The following CYGB variants were observed in gnomAD, a reference collection of about 807,000 sequenced individuals.
CYGB encodes histoglobin.
A neutral mutation model predicts 20.7 loss-of-function variants in CYGB; 13 were observed. That is an observed-to-expected ratio of 0.63 (90% confidence interval 0.41 to 1.00). The LOEUF is 1.00. Among genes scored for constraint, CYGB ranks in the 50% least tolerant of loss-of-function variants. The pLI, the probability that CYGB is intolerant of heterozygous loss-of-function variation, is 0.00. For missense variants in CYGB, 218 were observed against 257.2 expected (o/e 0.85, Z 1.04); for synonymous variants, 93 against 107.4 (o/e 0.87, Z 0.83).
chr17:76,544,558 G>T (rs1295737062), intron 1 of CYGB: 2 of 456,646 alleles, frequency 4.4e-6, no homozygotes, highest in South Asian at 3.1e-5. Flanking sequence ...ACTAGGGAAG[G>T]AGCCTGCAGA....
intron 3 of CYGB, chr17:76,529,077 C>T: frequency 1.3e-6 from 1 of 799,928 alleles, no homozygotes; most frequent in Non-Finnish European, 1.5e-6. Flanking sequence ...CGCAAAGGCG[C>T]ACACCCTGGA....
Position 76,531,675 on chromosome 17 carries a change from G to C in CYGB, c.160C>G (p.Pro54Ala), listed in dbSNP as rs1166302118. ...AILVRFFVNF[P>A]SAKQYFSQFK... Reference sequence around the variant, plus strand: ...TGGCTGAAGTACTGCTTGGCCGAGGGGAAGTTCACAAAGAACCTGGCAAGA... The same window carrying C: ...TGGCTGAAGTACTGCTTGGCCGAGGCGAAGTTCACAAAGAACCTGGCAAGA... Residue 54 changes from proline to alanine, a missense_variant, in exon 2 of 4, where the codon CCC (proline) becomes GCC (alanine). Coordinates refer to ENST00000293230, the MANE Select transcript of CYGB (RefSeq NM_134268.5). This position sits in a 1 kb window ranked among gnomAD's most constrained non-coding sequence, Gnocchi z 7.4. 1.3e-6 allele frequency: 2 copies of C among 1,595,890 alleles called. No individual in the cohort carries two copies.
At chr17:76,542,519 T>C (rs756551408), upstream of CYGB, 4 of 1,614,000 alleles carry the variant, frequency 2.5e-6, no homozygotes, top group East Asian at 8.9e-5. Context: ...GGTCGTGCCC[T>C]TCAATCCTGA....
chr17:76,534,046 CAAT>C (rs1202015624), intron 1 of CYGB, among the ~76,000 whole-genome samples: 3 of 152,062 alleles, frequency 2.0e-5, no homozygotes, highest in African/African-American at 4.8e-5. Flanking sequence ...AAAATAATAA[CAAT>C]GATATATATA....
chr17:76,540,351 G>A (rs1433814727), upstream of CYGB: 2 of 1,282,874 alleles, frequency 1.6e-6, no homozygotes, highest in Non-Finnish European at 2.2e-6. The surrounding 1 kb of genome is among the most constrained non-coding windows in gnomAD (Gnocchi z 5.0). Flanking sequence ...AGGAACCCTT[G>A]AGAGAGCACA....
Position 76,544,237 on chromosome 17 carries a change from C to T in CYGB, c.-53+6625G>A, listed in dbSNP as rs764355852. Reference sequence around the variant, plus strand: ...CACGCGTCTCTCCTCCCCAGCCAGCCCCCCTCCCAGCCCAGCGGCGATGTC... The same window carrying T: ...CACGCGTCTCTCCTCCCCAGCCAGCTCCCCTCCCAGCCCAGCGGCGATGTC... On this transcript the variant is annotated intron_variant, in intron 1 of 3. Coordinates refer to the CYGB transcript ENST00000589145. 7 of 454,430 alleles carry T rather than the reference C, an allele frequency of 1.5e-5. No individual in the cohort carries two copies. The East Asian group carries it at 4.9e-4, about 32-fold the overall frequency. 28.1% of individuals were successfully genotyped at this position (454,430 alleles called of 1,614,324 possible). A position where few individuals can be genotyped will look rare whatever the true frequency, so the allele number is the denominator to read the frequency against.
intron 1 of CYGB, chr17:76,543,972 G>C (rs1055994807): frequency 4.3e-6 from 2 of 464,272 alleles, no homozygotes; most frequent in Admixed American, 4.7e-5. Flanking sequence ...GGGCAGTAGC[G>C]TGTGGGAAGG....
chr17:76,543,259 C>T (rs1240361888), intron 1 of CYGB: 5 of 362,184 alleles, frequency 1.4e-5, no homozygotes, highest in Non-Finnish European at 2.2e-5. Context: ...GCTTCCTTCC[C>T]TCTGAGTTCC....
chr17:76,538,356 C>T (rs2074947449), upstream of CYGB: 11 of 343,296 alleles, frequency 3.2e-5, no homozygotes, highest in South Asian at 2.1e-4. Flanking sequence ...GCCCGCCCAC[C>T]GCCCCGGCTG....
In CYGB at chr17:76,537,534, T is replaced by C; in HGVS notation, c.9A>G (p.Lys3=). The change falls in exon 1 of 4, where the codon AAA becomes AAG. Residue 3 remains lysine, a synonymous_variant. Coordinates refer to ENST00000293230, the MANE Select transcript of CYGB (RefSeq NM_134268.5). ME[K]VPGEMEIERR... ...GCTCGATCTCCATCTCGCCTGGCACTTTCTCCATGAGCAGCTCCAAGCCCA... is the reference window on the plus strand; with the variant it reads ...GCTCGATCTCCATCTCGCCTGGCACCTTCTCCATGAGCAGCTCCAAGCCCA... 3 of 1,558,586 alleles carry C rather than the reference T, an allele frequency of 1.9e-6. No individual in the cohort carries two copies. The highest frequency in any genetic ancestry group is 1.7e-4 in the Middle Eastern group (1 of 5,904).
chr17:76,534,569 G>T (rs1237593768), intron 1 of CYGB, among the ~76,000 whole-genome samples: 1 of 152,224 alleles, frequency 6.6e-6, no homozygotes, highest in Admixed American at 6.5e-5. Context: ...AGCACTTACT[G>T]TACGATCTCA....
Position 76,527,954 on chromosome 17 carries a change from C to T in CYGB, c.*624G>A. On this transcript the variant is annotated 3_prime_UTR_variant, in exon 4 of 4. Transcript: ENST00000293230. ...GGCTTTGCCGCCAAGCCGGGTTGCC[C>T]CAGCCCTGCCCCTCCAGGCCCAGGT... The T allele has an allele frequency of 2.6e-6, 1 of 378,224 alleles. No homozygotes were observed. The highest frequency in any genetic ancestry group is 1.9e-5 in the South Asian group (1 of 52,364). 23.4% of individuals were successfully genotyped at this position (378,224 alleles called of 1,614,324 possible).
rs1038819195 is a variant in CYGB, at chr17:76,533,315, G to A, written c.144-1624C>T. Among the ~76,000 whole-genome samples the A allele has an allele frequency of 3.3e-5, 5 of 152,214 alleles. No individual in the cohort carries two copies. The highest frequency in any genetic ancestry group is 7.3e-5 in the Non-Finnish European group (5 of 68,042). ...CGGGTGAGGACACGTGAGGCGACGGGTCTGAAAATACATTGAATTTTCTGG... is the reference window on the plus strand; with the variant it reads ...CGGGTGAGGACACGTGAGGCGACGGATCTGAAAATACATTGAATTTTCTGG... On this transcript the variant is annotated intron_variant, in intron 1 of 3. Coordinates refer to ENST00000293230, the MANE Select transcript of CYGB (RefSeq NM_134268.5). This position sits in a 1 kb window ranked among gnomAD's most constrained non-coding sequence, Gnocchi z 4.5.
chr17:76,536,105 G>A, intron 1 of CYGB, among the ~76,000 whole-genome samples: 1 of 152,200 alleles, frequency 6.6e-6, no homozygotes, highest in East Asian at 1.9e-4. Context: ...GTATCCCAAT[G>A]TCCCTCTTAG....
chr17:76,544,467 G>T (rs2075030854), intron 1 of CYGB: 2 of 455,386 alleles, frequency 4.4e-6, no homozygotes, highest in South Asian at 3.1e-5. Flanking sequence ...GTACCTCGGG[G>T]AGCCTGGCTG....
rs943036770 is a variant in CYGB, at chr17:76,527,986, C to T, written c.*592G>A. 5.5e-5 allele frequency: 20 copies of T among 362,294 alleles called. No homozygotes were observed. The highest frequency in any genetic ancestry group is 9.3e-5 in the Non-Finnish European group (17 of 181,966). 22.4% of individuals were successfully genotyped at this position (362,294 alleles called of 1,614,324 possible). Reference sequence around the variant, plus strand: ...TGCCCCTCCAGGCCCAGGTCCTCTGCGCTGCTGTGGGATTTCCTCTTTGCC... The same window carrying T: ...TGCCCCTCCAGGCCCAGGTCCTCTGTGCTGCTGTGGGATTTCCTCTTTGCC... On this transcript the variant is annotated 3_prime_UTR_variant, in exon 4 of 4. Transcript: ENST00000293230.
intron 1 of CYGB, chr17:76,543,296 C>A: frequency 2.8e-6 from 1 of 351,628 alleles, no homozygotes; most frequent in Non-Finnish European, 5.6e-6. Context: ...GACTGCTGAG[C>A]CTGAGAAAGC....
At chr17:76,541,068 G>A (rs1435931935), upstream of CYGB, among the ~76,000 whole-genome samples, 1 of 152,246 alleles carries the variant, frequency 6.6e-6, no homozygotes. Context: ...GACCCTGCGG[G>A]CAGGACGCTG....
At chr17:76,542,666 G>A, upstream of CYGB, 2 of 1,431,492 alleles carry the variant, frequency 1.4e-6, no homozygotes, top group East Asian at 2.3e-5. Context: ...GGAGGGCAGA[G>A]GGCAAGGCTT....
Sources: allele counts gnomAD v4.1 joint callset (sites outside exome capture counted in the v4.1 genomes callset), GRCh38; gene constraint gnomAD v4.1.1; non-coding constraint Gnocchi (gnomAD v3.1); transcripts MANE v1.5; gene names NCBI Gene and HGNC (gene_info 2026-07-23, HGNC 2026-07-21).